The following HS1BP3 variants were observed in gnomAD, a reference collection of about 807,000 sequenced individuals.
HS1BP3 encodes HCLS1 binding protein 3.
HS1BP3 carries 32 observed loss-of-function variants against 33.5 expected under a neutral mutation model. The observed-to-expected ratio is 0.95, with a 90% confidence interval of 0.72 to 1.28. The LOEUF (loss-of-function observed/expected upper bound fraction) is 1.28, where lower values mean the gene tolerates loss of function less well. Ranked by LOEUF, HS1BP3 falls within the 50% of genes most tolerant of loss-of-function variation. The probability of loss-of-function intolerance (pLI) is 0.00; values close to 1 mark genes in which losing one functional copy is unlikely to be tolerated. For synonymous variants in HS1BP3, 187 were observed against 209.2 expected, an observed-to-expected ratio of 0.89 and a Z score of 0.92; for missense variants, 486 against 502.3, an observed-to-expected ratio of 0.97 and a Z score of 0.31.
intron 5 of HS1BP3, among the ~76,000 whole-genome samples, chr2:20,582,197 C>T (rs566600144): frequency 1.1e-4 from 17 of 152,324 alleles, no homozygotes; most frequent in Admixed American, 3.3e-4. Context: ...TTCCTGGAGG[C>T]GAAGGCTCCC....
chr2:20,557,780 T>C (rs1469996727), downstream of HS1BP3, among the ~76,000 whole-genome samples: 4 of 152,160 alleles, frequency 2.6e-5, no homozygotes, highest in Non-Finnish European at 5.9e-5. Context: ...TGAACATGGC[T>C]CTCTCCTGGT....
At chr2:20,627,894 T>C (rs1299560571) in intron 4 of HS1BP3, among the ~76,000 whole-genome samples, 1 of 152,038 alleles carries the variant, frequency 6.6e-6, no homozygotes, top group Admixed American at 6.5e-5. Flanking sequence ...AAACTCTGGA[T>C]GAGAGGATGC....
chr2:20,579,004 C>A (rs1217631551), intron 5 of HS1BP3, among the ~76,000 whole-genome samples: 3 of 152,250 alleles, frequency 2.0e-5, no homozygotes, highest in Non-Finnish European at 4.4e-5. Context: ...CCCTCCCAAG[C>A]CTCACAGGCT....
chr2:20,609,828 G>C (rs553102354), intron 2 of HS1BP3, among the ~76,000 whole-genome samples: 1 of 152,106 alleles, frequency 6.6e-6, no homozygotes, highest in Non-Finnish European at 1.5e-5. Flanking sequence ...CCCTCAGAGG[G>C]TGCCCCCAGC....
chr2:20,578,868 T>C (rs1693463064), intron 5 of HS1BP3, among the ~76,000 whole-genome samples: 1 of 152,156 alleles, frequency 6.6e-6, no homozygotes, highest in Non-Finnish European at 1.5e-5. Flanking sequence ...CAGTGGGGTG[T>C]ACATGAAACA....
At chr2:20,564,966 A>T (rs555549691) in intron 5 of HS1BP3, among the ~76,000 whole-genome samples, 2 of 152,334 alleles carry the variant, frequency 1.3e-5, no homozygotes, top group South Asian at 2.1e-4. Flanking sequence ...ACAAGTAGGC[A>T]TCGTGCTGCA....
At chr2:20,613,737 C>T (rs115810123), downstream of HS1BP3, among the ~76,000 whole-genome samples, 33 of 152,222 alleles carry the variant, frequency 2.2e-4, 1 homozygote, top group African/African-American at 7.5e-4. Context: ...CCTCCTGACA[C>T]GTCCCCTCAC....
At chr2:20,574,455 C>A (rs1260760512) in intron 5 of HS1BP3, among the ~76,000 whole-genome samples, 3 of 152,324 alleles carry the variant, frequency 2.0e-5, no homozygotes, top group Middle Eastern at 3.4e-3. Flanking sequence ...TCCATGGCTG[C>A]CTCCTTTTTC....
intron 5 of HS1BP3, among the ~76,000 whole-genome samples, chr2:20,570,861 T>G (rs563964896): frequency 2.0e-5 from 3 of 152,238 alleles, no homozygotes; most frequent in Admixed American, 6.5e-5. Flanking sequence ...AAAGGGTCAC[T>G]GTTTGGCTTG....
Position 20,638,636 on chromosome 2 carries a change from C to T in HS1BP3, c.423G>A (p.Gly141=). 2 of 1,613,566 alleles carry T rather than the reference C, an allele frequency of 1.2e-6. No individual in the cohort carries two copies. ...LLEFLGTRSP[G]AAGLTSRDSS... is the part of the protein sequence containing the mutation. ...AATCTCTGCTGGTGAGCCCTGCAGC[C>T]CCTGGGGATCTGGTACCTGTGGAGG... The change falls in exon 4 of 7, where the codon GGG becomes GGA. Residue 141 remains glycine (G), a synonymous_variant. Coordinates refer to ENST00000304031, the MANE Select transcript of HS1BP3 (RefSeq NM_022460.4).
At chr2:20,557,813 G>T (rs1692875529), downstream of HS1BP3, among the ~76,000 whole-genome samples, 2 of 152,204 alleles carry the variant, frequency 1.3e-5, no homozygotes, top group Non-Finnish European at 2.9e-5. Flanking sequence ...AACCCTGCAG[G>T]GGCCAGGTGC....
At chr2:20,566,692 T>C (rs1042189719) in intron 5 of HS1BP3, among the ~76,000 whole-genome samples, 1 of 151,516 alleles carries the variant, frequency 6.6e-6, no homozygotes, top group Non-Finnish European at 1.5e-5. Context: ...CTGCAAACCC[T>C]GCCTCCTGGG....
chr2:20,555,550 G>C (rs1692816273), downstream of HS1BP3, among the ~76,000 whole-genome samples: 2 of 152,112 alleles, frequency 1.3e-5, no homozygotes, highest in Non-Finnish European at 2.9e-5. Flanking sequence ...ATACCCTGAG[G>C]ACCCCATGAA....
downstream of HS1BP3, among the ~76,000 whole-genome samples, chr2:20,557,596 TTATC>T (rs1367638819): frequency 5.3e-5 from 8 of 152,216 alleles, no homozygotes; most frequent in Non-Finnish European, 8.8e-5. Flanking sequence ...AAGCCATCCT[TTATC>T]TACTATCAGG....
chr2:20,590,596 C>T (rs958880003), downstream of HS1BP3, among the ~76,000 whole-genome samples: 2 of 152,234 alleles, frequency 1.3e-5, no homozygotes, highest in Non-Finnish European at 2.9e-5. Context: ...CATGGCCCGG[C>T]CCATCTGACA....
At chr2:20,573,648 T>A (rs907941420) in intron 5 of HS1BP3, among the ~76,000 whole-genome samples, 1 of 152,244 alleles carries the variant, frequency 6.6e-6, no homozygotes, top group Non-Finnish European at 1.5e-5. Context: ...TCAGCTGATA[T>A]CTCATTAGGG....
At chr2:20,627,256 C>A (rs1223387381) in intron 4 of HS1BP3, among the ~76,000 whole-genome samples, 2 of 152,266 alleles carry the variant, frequency 1.3e-5, no homozygotes, top group East Asian at 3.9e-4. Flanking sequence ...CAGCCTCCCC[C>A]AGCAGCAGCT....
In HS1BP3 at chr2:20,638,649, G is replaced by C; in HGVS notation, c.410C>G (p.Thr137Ser). Residue 137 changes from threonine (T) to serine (S), a missense_variant, in exon 4 of 7, where the codon ACC becomes AGC. Thr to Ser is a moderately conservative substitution (Grantham distance 58). Coordinates refer to ENST00000304031, the MANE Select transcript of HS1BP3 (RefSeq NM_022460.4). Reference protein sequence around the residue: ...GSPELLEFLGTRSPGAAGLTS... With the variant: ...GSPELLEFLGSRSPGAAGLTS... The stretch of plus-strand genomic sequence containing the variant: ...GAGCCCTGCAGCCCCTGGGGATCTG[G>C]TACCTGTGGAGGAAGACAGAAAAGA... 1 of 1,612,856 alleles carries C rather than the reference G, an allele frequency of 6.2e-7. No individual in the cohort carries two copies. The highest frequency in any genetic ancestry group is 8.5e-7 in the Non-Finnish European group (1 of 1,179,170).
chr2:20,569,013 G>C (rs1693201999), intron 5 of HS1BP3, among the ~76,000 whole-genome samples: 2 of 152,194 alleles, frequency 1.3e-5, no homozygotes, highest in African/African-American at 4.8e-5. Context: ...CAGAGTACTG[G>C]TCGACTTCGG....
Sources: gnomAD v4.1 joint callset for allele counts (sites outside exome capture counted in the v4.1 genomes callset) on GRCh38, gnomAD v4.1.1 for gene constraint, MANE v1.5 for transcripts, NCBI Gene and HGNC (gene_info 2026-07-23, HGNC 2026-07-21) for gene names.